Variants in ABCB5 observed in about 807,000 individuals in gnomAD.
ABCB5 encodes ATP-binding cassette sub-family B member 5.
Under a neutral mutation model 144.2 loss-of-function variants are expected in ABCB5, and 155 were observed. The observed-to-expected ratio is 1.08, with a 90% CI of 0.94 to 1.23. The LOEUF (loss-of-function observed/expected upper bound fraction) is 1.23. ABCB5 is among the 50% of genes most tolerant of loss of function. ABCB5 has a pLI of 0.00. For synonymous variants in ABCB5, 610 were observed against 528.6 expected (o/e 1.15, Z -2.11); for missense variants, 1,830 against 1,520.8 (o/e 1.20, Z -3.38).
chr7:20,643,466 T>C lies in ABCB5; in HGVS notation c.512T>C (p.Ile171Thr), dbSNP rs1056795194. 7 of 1,614,026 alleles carry C rather than the reference T, an allele frequency of 4.3e-6. No homozygotes were observed. The African/African-American group carries it at 6.7e-5, about 15-fold the overall frequency. The change falls in exon 7 of 28, where the codon ATT becomes ACT. Residue 171 changes from isoleucine (I) to threonine (T), a missense_variant. Transcript: ENST00000404938. ...GELNTRMTDD[I>T]DKISDGIGDK... ...CATTTATTTGCTTGTTTCAGTGACATTGACAAAATCAGTGATGGTATTGGA... is the reference window on the plus strand; with the variant it reads ...CATTTATTTGCTTGTTTCAGTGACACTGACAAAATCAGTGATGGTATTGGA...
At chr7:20,681,354 T>A in intron 14 of ABCB5, 151 bp from the exon 15 acceptor site, 1 of 700,636 alleles carries the variant, frequency 1.4e-6, no homozygotes, top group Non-Finnish European at 2.3e-6. Context: ...CTCTAACTCG[T>A]GACCTCAGGT....
chr7:20,705,963 C>T (rs1232362188), intron 20 of ABCB5, among the ~76,000 whole-genome samples: 3 of 151,930 alleles, frequency 2.0e-5, no homozygotes, highest in Non-Finnish European at 2.9e-5. Flanking sequence ...AGAAAGAGCT[C>T]GAGAGGAAAG....
At chr7:20,737,610 G>A (rs1257569582) in intron 23 of ABCB5, among the ~76,000 whole-genome samples, 1 of 152,156 alleles carries the variant, frequency 6.6e-6, no homozygotes, top group East Asian at 1.9e-4. Flanking sequence ...ATTGATTTCA[G>A]AGAAGCCTCT....
At chr7:20,731,355 G>GGAAAAAAAAAAA (rs1197620641) in intron 23 of ABCB5, among the ~76,000 whole-genome samples, 1 of 127,874 alleles carries the variant, frequency 7.8e-6, no homozygotes, top group African/African-American at 3.0e-5. Flanking sequence ...TCCAACTCAG[G>GGAAAAAAAAAAA]AAAAAAAAAA....
chr7:20,659,674 T>C, intron 14 of ABCB5: 1 of 987,374 alleles, frequency 1.0e-6, no homozygotes. Context: ...AGGACTAATA[T>C]TTTATTCATT....
In ABCB5 at chr7:20,663,869, C is replaced by A. The variant is rs1273629595; in HGVS notation, c.1707+5193C>A. 2.0e-5 allele frequency among the ~76,000 whole-genome samples: 3 copies of A among 152,120 alleles called. No homozygotes were observed. In the East Asian group the frequency reaches 5.8e-4, roughly 29 times the overall value. Reference sequence around the variant, plus strand: ...TAGCTGGGATTACAGGCACACACCACCACACCCGGCTAATTTTTATATTTT... The same window carrying A: ...TAGCTGGGATTACAGGCACACACCAACACACCCGGCTAATTTTTATATTTT... On this transcript the variant is annotated intron_variant, in intron 14 of 27. Coordinates refer to ENST00000404938, the MANE Select transcript of ABCB5 (RefSeq NM_001163941.2).
intron 3 of ABCB5, among the ~76,000 whole-genome samples, chr7:20,628,354 C>T (rs1297529453): frequency 6.6e-6 from 1 of 152,136 alleles, no homozygotes; most frequent in Non-Finnish European, 1.5e-5. Context: ...ATTTTTATGG[C>T]TGCATAGTAG....
At chr7:20,743,264 T>C (rs1782619057) in intron 25 of ABCB5, among the ~76,000 whole-genome samples, 190 bp downstream of exon 25, 1 of 152,196 alleles carries the variant, frequency 6.6e-6, no homozygotes, top group Non-Finnish European at 1.5e-5. Flanking sequence ...GTTAGGACTC[T>C]GAAGTGAAGC....
intron 20 of ABCB5, among the ~76,000 whole-genome samples, chr7:20,721,245 C>T (rs1478290436): frequency 3.3e-5 from 5 of 152,140 alleles, no homozygotes; most frequent in African/African-American, 7.2e-5. Flanking sequence ...CCAAGTGATT[C>T]AGGGAACAAA....
intron 5 of ABCB5, among the ~76,000 whole-genome samples, chr7:20,639,186 A>T (rs760534612): frequency 2.6e-5 from 4 of 152,292 alleles, no homozygotes; most frequent in Non-Finnish European, 4.4e-5. Flanking sequence ...TATTTTACAT[A>T]TTTTTAAATT....
intron 5 of ABCB5, among the ~76,000 whole-genome samples, chr7:20,633,540 C>T (rs374892847): frequency 1.3e-5 from 2 of 152,062 alleles, no homozygotes; most frequent in Non-Finnish European, 2.9e-5. Flanking sequence ...TGCTGTAATA[C>T]ATATAACGTA....
intron 14 of ABCB5, among the ~76,000 whole-genome samples, chr7:20,680,075 A>G (rs1583420312): frequency 6.6e-6 from 1 of 152,372 alleles, no homozygotes; most frequent in Non-Finnish European, 1.5e-5. Context: ...CTGTGTGGCA[A>G]TAAGAATAAA....
chr7:20,753,282 A>T, intron 26 of ABCB5, 78 bp from the exon 27 acceptor site: 1 of 1,503,022 alleles, frequency 6.7e-7, no homozygotes, highest in Non-Finnish European at 9.0e-7. Context: ...TGAAATATTT[A>T]GATGGTTCTC....
chr7:20,642,283 G>A (rs1784310690), intron 5 of ABCB5, among the ~76,000 whole-genome samples: 1 of 152,124 alleles, frequency 6.6e-6, no homozygotes, highest in Non-Finnish European at 1.5e-5. Context: ...TCTGGAATGT[G>A]CTAAACAACT....
At chr7:20,637,436 T>G (rs1784186342) in intron 5 of ABCB5, among the ~76,000 whole-genome samples, 1 of 145,974 alleles carries the variant, frequency 6.9e-6, no homozygotes, top group African/African-American at 2.6e-5. Context: ...TTTTTTTTTT[T>G]GAGATGGAGT....
chr7:20,727,916 T>C (rs1782087998), intron 22 of ABCB5, among the ~76,000 whole-genome samples: 1 of 152,242 alleles, frequency 6.6e-6, no homozygotes, highest in South Asian at 2.1e-4. Flanking sequence ...CTCATACTTG[T>C]AGTTGGCACC....
In ABCB5 at chr7:20,737,157, T is replaced by TA. The variant is rs112403845; in HGVS notation, c.2868-1813dup. Reference sequence around the variant, plus strand: ...TGAATGACAAAGCAAGACTCTGTCTTAAAAAAAAAAAAAGATGAAGAAGAT... The same window carrying TA: ...TGAATGACAAAGCAAGACTCTGTCTTAAAAAAAAAAAAAAGATGAAGAAGAT... On this transcript the variant is annotated intron_variant, in intron 23 of 27. Coordinates refer to ENST00000404938, the MANE Select transcript of ABCB5 (RefSeq NM_001163941.2). Among the ~76,000 whole-genome samples, 1,250 of 142,704 alleles carry TA rather than the reference T, an allele frequency of 8.8e-3. 19 individuals are homozygous for TA. The highest frequency in any genetic ancestry group is 0.028 in the African/African-American group (1,106 of 39,120). 93.6% of individuals were successfully genotyped at this position (142,704 alleles called of 152,430 possible). A position where few individuals can be genotyped will look rare whatever the true frequency, so the allele number is the denominator to read the frequency against.
intron 20 of ABCB5, among the ~76,000 whole-genome samples, chr7:20,711,774 C>CTT (rs1248547468): frequency 3.7e-5 from 2 of 54,108 alleles, no homozygotes; most frequent in Non-Finnish European, 6.3e-5. Flanking sequence ...GCCTTTCCTT[C>CTT]TTTCTCTTTC....
Position 20,689,013 on chromosome 7 carries a change from G to T in ABCB5, c.2010+3177G>T, listed in dbSNP as rs571554309. Among the ~76,000 whole-genome samples the T allele has an allele frequency of 8.6e-5, 13 of 151,976 alleles. No individual in the cohort carries two copies. The South Asian group carries it at 1.2e-3, about 15-fold the overall frequency. ...GGATAGCATTAGGAGATATACCTAA[G>T]GTAAATGACGAGTTAATGGGTACAG... On this transcript the variant is annotated intron_variant, in intron 16 of 27. Transcript: ENST00000404938.
Sources: gnomAD v4.1 joint callset for allele counts (sites outside exome capture counted in the v4.1 genomes callset) on GRCh38, gnomAD v4.1.1 for gene constraint, MANE v1.5 for transcripts, NCBI Gene and HGNC (gene_info 2026-07-23, HGNC 2026-07-21) for gene names.